MTUS2: variants seen among roughly 807,000 people sequenced by gnomAD.
MTUS2 encodes microtubule associated scaffold protein 2.
A neutral mutation model predicts 114.1 loss-of-function variants in MTUS2; 40 were observed. The ratio of observed to expected loss-of-function variants is 0.35; its 90% CI spans 0.27 to 0.46. MTUS2 has a LOEUF of 0.46. Among genes scored for constraint, MTUS2 ranks in the 20% least tolerant of loss-of-function variants. MTUS2 has a pLI of 1.00. For missense variants in MTUS2, 1,679 were observed against 1,705.4 expected, an observed-to-expected ratio of 0.98 and a Z score of 0.27; for synonymous variants, 688 against 672.0, an observed-to-expected ratio of 1.02 and a Z score of -0.37.
chr13:29,423,229 T>C (rs1487070492), intron 8 of MTUS2, among the ~76,000 whole-genome samples: 1 of 152,248 alleles, frequency 6.6e-6, no homozygotes, highest in African/African-American at 2.4e-5. Context: ...TGCTGATTTA[T>C]TCAGTGATTT....
At chr13:29,062,738 C>T (rs1225431369) in intron 4 of MTUS2, among the ~76,000 whole-genome samples, 1 of 152,072 alleles carries the variant, frequency 6.6e-6, no homozygotes. Context: ...TTACGGTGGT[C>T]TTAAAGCGGC....
At chr13:29,307,217 T>C in intron 6 of MTUS2, 1 of 571,070 alleles carries the variant, frequency 1.8e-6, no homozygotes, top group Non-Finnish European at 3.2e-6. Flanking sequence ...CTCAAGATCA[T>C]CAGCAATGCC....
intron 5 of MTUS2, among the ~76,000 whole-genome samples, chr13:29,211,452 C>T (rs1186962378): frequency 6.6e-6 from 1 of 152,288 alleles, no homozygotes; most frequent in African/African-American, 2.4e-5. Context: ...ACTCCCAGAT[C>T]ACCTCCTCTC....
chr13:29,379,027 T>C (rs779997288), intron 8 of MTUS2, among the ~76,000 whole-genome samples: 6 of 152,196 alleles, frequency 3.9e-5, no homozygotes, highest in Non-Finnish European at 7.3e-5. Flanking sequence ...TCCACTTTGC[T>C]CTGTACTTCT....
chr13:29,346,762 T>C (rs1284262817), intron 7 of MTUS2, among the ~76,000 whole-genome samples: 1 of 146,556 alleles, frequency 6.8e-6, no homozygotes, highest in Middle Eastern at 3.4e-3. Flanking sequence ...CCAATTCCAC[T>C]GGCACCCCTC....
intron 8 of MTUS2, among the ~76,000 whole-genome samples, chr13:29,389,395 GTA>G (rs10538352): frequency 0.58 from 41,115 of 70,928 alleles, 15,349 homozygotes; most frequent in Admixed American, 0.71. Flanking sequence ...ACACGTGTGT[GTA>G]TATATGTATA....
chr13:29,337,793 GTT>G (rs567260002), intron 7 of MTUS2, among the ~76,000 whole-genome samples: 2 of 132,606 alleles, frequency 1.5e-5, no homozygotes, highest in Admixed American at 7.5e-5. Context: ...GTTTGTTTTG[GTT>G]TTTTTTTTTT....
chr13:29,394,306 G>A (rs1226923697), intron 8 of MTUS2, among the ~76,000 whole-genome samples: 1 of 152,122 alleles, frequency 6.6e-6, no homozygotes, highest in African/African-American at 2.4e-5. Context: ...TACCTGTAAG[G>A]TGTACAGGTA....
chr13:29,206,231 T>A (rs1435550212), intron 5 of MTUS2, among the ~76,000 whole-genome samples: 9 of 152,202 alleles, frequency 5.9e-5, no homozygotes, highest in African/African-American at 2.2e-4. Flanking sequence ...TGTCTATTCA[T>A]GTCTTTAGCC....
intron 5 of MTUS2, among the ~76,000 whole-genome samples, chr13:29,138,793 GCCACT>G (rs1292692696): frequency 1.1e-4 from 16 of 151,804 alleles, no homozygotes; most frequent in African/African-American, 3.6e-4. Flanking sequence ...ATTTTAAAAT[GCCACT>G]GCATAGGCAG....
At chr13:29,456,416 A>G (rs1387301989) in intron 9 of MTUS2, among the ~76,000 whole-genome samples, 7 of 152,158 alleles carry the variant, frequency 4.6e-5, no homozygotes, top group Admixed American at 4.6e-4. Context: ...GACAAGAGGG[A>G]GGAGATTGAA....
At position 28,905,057 on chromosome 13, in the gene MTUS2, C is replaced by T. The variant is rs1052625409; in HGVS notation, c.-243+65207C>T. Among the ~76,000 whole-genome samples the T allele has an allele frequency of 3.7e-4, 55 of 150,290 alleles. 1 individual carries two copies. Among genetic ancestry groups the T allele is most frequent in the Admixed American group, 2.2e-3 (33 of 15,134 alleles). Reference sequence around the variant, plus strand: ...CACTCATGATTTGGCTCTCTGTTTGCCTGTTATTGGTTTATAAGAATGCTT... The same window carrying T: ...CACTCATGATTTGGCTCTCTGTTTGTCTGTTATTGGTTTATAAGAATGCTT... On this transcript the variant is annotated intron_variant, in intron 2 of 15. Coordinates refer to ENST00000612955, the MANE Select transcript of MTUS2 (RefSeq NM_001033602.4).
intron 5 of MTUS2, among the ~76,000 whole-genome samples, chr13:29,177,585 C>G (rs1287184880): frequency 2.0e-5 from 3 of 152,126 alleles, no homozygotes; most frequent in African/African-American, 7.2e-5. Context: ...TCAGTAGATT[C>G]AAACTGGAAC....
intron 2 of MTUS2, among the ~76,000 whole-genome samples, chr13:28,875,371 C>A (rs1009077527): frequency 2.0e-5 from 3 of 152,200 alleles, no homozygotes; most frequent in African/African-American, 4.8e-5. Flanking sequence ...ATAAATGAAT[C>A]TAGTAGATGC....
rs927902865 is a variant in MTUS2 at position 29,255,719 on chromosome 13, AG to A, written c.2645-25980del. Among the ~76,000 whole-genome samples the A allele has an allele frequency of 5.7e-5, 8 of 139,846 alleles. No individual in the cohort carries two copies. The East Asian group carries it at 1.0e-3, about 18-fold the overall frequency. 91.7% of individuals were successfully genotyped at this position (139,846 alleles called of 152,430 possible). A position where few individuals can be genotyped will look rare whatever the true frequency, so the allele number is the denominator to read the frequency against. ...TTGATCACAGCCTGGGGGGTGGGGG[AG>A]GGGGTGACTGAAAGGTCATGGGAAC... is the stretch of plus-strand genomic sequence containing the variant. On this transcript the variant is annotated intron_variant, in intron 5 of 15. Coordinates refer to ENST00000612955, the MANE Select transcript of MTUS2 (RefSeq NM_001033602.4).
chr13:28,828,047 G>A (rs1874391588), intron 1 of MTUS2, among the ~76,000 whole-genome samples: 1 of 152,120 alleles, frequency 6.6e-6, no homozygotes, highest in Non-Finnish European at 1.5e-5. Context: ...GAGCGCTACG[G>A]GAGACTGGGG....
chr13:29,500,525 C>A (rs1409575315), intron 14 of MTUS2, among the ~76,000 whole-genome samples: 1 of 152,202 alleles, frequency 6.6e-6, no homozygotes, highest in Admixed American at 6.5e-5. Context: ...ATGTACCCAG[C>A]TGCTCTTGCG....
At chr13:29,231,834 G>T (rs1333997186) in intron 5 of MTUS2, among the ~76,000 whole-genome samples, 1 of 152,104 alleles carries the variant, frequency 6.6e-6, no homozygotes, top group South Asian at 2.1e-4. Flanking sequence ...TATTCCTTCA[G>T]TACAGATATG....
chr13:28,966,734 A>AC (rs1487642663), intron 2 of MTUS2, among the ~76,000 whole-genome samples: 1 of 151,588 alleles, frequency 6.6e-6, no homozygotes, highest in East Asian at 1.9e-4. Context: ...CAAAAAAAAA[A>AC]AAAAAAAAAA....
Sources: gnomAD v4.1 joint callset for allele counts (sites outside exome capture counted in the v4.1 genomes callset) on GRCh38, gnomAD v4.1.1 for gene constraint, MANE v1.5 for transcripts, NCBI Gene and HGNC (gene_info 2026-07-23, HGNC 2026-07-21) for gene names.